Variants in PLCB1 observed in about 807,000 individuals in gnomAD.
PLCB1 encodes 1-phosphatidylinositol 4,5-bisphosphate phosphodiesterase beta-1.
Under a neutral mutation model 161.8 loss-of-function variants are expected in PLCB1, and 46 were observed. The observed-to-expected ratio is 0.28, with a 90% CI of 0.22 to 0.36. The LOEUF (loss-of-function observed/expected upper bound fraction) is 0.36, where lower values mean the gene tolerates loss of function less well. Ranked by LOEUF, PLCB1 falls within the 10% of genes least tolerant of loss-of-function variation. The pLI is 1.00. For synonymous variants in PLCB1, 517 were observed against 503.7 expected (o/e 1.03, Z -0.35); for missense variants, 1,016 against 1,472.5 (o/e 0.69, Z 5.07).
At chr20:8,205,043 T>C (rs181888250) in intron 2 of PLCB1, among the ~76,000 whole-genome samples, 4 of 152,306 alleles carry the variant, frequency 2.6e-5, no homozygotes, top group Non-Finnish European at 5.9e-5. Context: ...TGAATATCCA[T>C]CTTGAAGTTG....
chr20:8,267,085 G>A (rs986739467), intron 2 of PLCB1, among the ~76,000 whole-genome samples: 5 of 151,736 alleles, frequency 3.3e-5, no homozygotes, highest in African/African-American at 7.2e-5. Context: ...TGGGATGACC[G>A]TACCTTAAAT....
chr20:8,402,265 T>C (rs1256948050), intron 3 of PLCB1, among the ~76,000 whole-genome samples: 1 of 152,190 alleles, frequency 6.6e-6, no homozygotes. Flanking sequence ...ATGAGATTAA[T>C]GTTATAACAC....
At chr20:8,736,699 T>G (rs528555125) in intron 19 of PLCB1, among the ~76,000 whole-genome samples, 1 of 152,278 alleles carries the variant, frequency 6.6e-6, no homozygotes, top group South Asian at 2.1e-4. Flanking sequence ...AGGGGGGAAC[T>G]GCCACACACT....
At chr20:8,727,229 T>C (rs1979984998) in intron 16 of PLCB1, 80 bp from the exon 17 acceptor site, 1 of 651,864 alleles carries the variant, frequency 1.5e-6, no homozygotes, top group East Asian at 2.8e-5. Flanking sequence ...TTTACCCATT[T>C]CTTTTATAAT....
intron 2 of PLCB1, among the ~76,000 whole-genome samples, chr20:8,321,858 G>A (rs997272357): frequency 6.6e-6 from 1 of 152,152 alleles, no homozygotes; most frequent in Admixed American, 6.6e-5. Flanking sequence ...CCCTTGGCAT[G>A]CAGTATATAC....
chr20:8,436,678 T>G (rs1174439966), intron 3 of PLCB1, among the ~76,000 whole-genome samples: 1 of 152,196 alleles, frequency 6.6e-6, no homozygotes, highest in Non-Finnish European at 1.5e-5. Flanking sequence ...CCAGGAAGGA[T>G]CCCTGATTCC....
chr20:8,848,248 C>A (rs1355178392), intron 31 of PLCB1, among the ~76,000 whole-genome samples: 1 of 152,182 alleles, frequency 6.6e-6, no homozygotes, highest in Non-Finnish European at 1.5e-5. Flanking sequence ...AGCTTATGAT[C>A]CTACGGAGTT....
intron 3 of PLCB1, among the ~76,000 whole-genome samples, chr20:8,535,667 A>G (rs1192563096): frequency 6.6e-6 from 1 of 152,186 alleles, no homozygotes; most frequent in Non-Finnish European, 1.5e-5. Flanking sequence ...CAAGGTTCAT[A>G]AACTGTACAT....
At chr20:8,511,965 C>T (rs991542370) in intron 3 of PLCB1, among the ~76,000 whole-genome samples, 4 of 152,054 alleles carry the variant, frequency 2.6e-5, no homozygotes, top group Admixed American at 6.6e-5. Flanking sequence ...TATTTTCTCT[C>T]GCTCTGGGTT....
intron 31 of PLCB1, among the ~76,000 whole-genome samples, chr20:8,846,579 A>C (rs912412621): frequency 6.6e-6 from 1 of 152,154 alleles, no homozygotes; most frequent in Non-Finnish European, 1.5e-5. Context: ...TGCTAATGTT[A>C]CTGGTCCGTG....
intron 23 of PLCB1, chr20:8,750,917 T>G: frequency 1.1e-6 from 1 of 905,420 alleles, no homozygotes; most frequent in Non-Finnish European, 1.6e-6. Context: ...TGTCATAAGG[T>G]AAAAAGAACT....
rs907854728 is a variant in PLCB1, at chr20:8,155,686, C to A, written c.177+5315C>A. 2.0e-4 allele frequency among the ~76,000 whole-genome samples: 31 copies of A among 152,106 alleles called. 1 individual carries two copies. The highest frequency in any genetic ancestry group is 7.5e-4 in the African/African-American group (31 of 41,432). On this transcript the variant is annotated intron_variant, in intron 2 of 31. Transcript: ENST00000338037. ...GGGGCTTTCTCTTTGGGATATGCTT[C>A]TCTAGGGTATCCCAAAATTGTCAAC...
intron 1 of PLCB1, among the ~76,000 whole-genome samples, chr20:8,142,340 A>G (rs2051413080): frequency 6.6e-6 from 1 of 152,176 alleles, no homozygotes; most frequent in African/African-American, 2.4e-5. Flanking sequence ...CTTCCATTCC[A>G]TCTGAAATCT....
intron 19 of PLCB1, 56 bp downstream of exon 19, chr20:8,733,448 T>C (rs574029109): frequency 6.8e-7 from 1 of 1,462,592 alleles, no homozygotes; most frequent in South Asian, 1.2e-5. Flanking sequence ...TTTATCTACA[T>C]TGCATAAAGA....
intron 3 of PLCB1, among the ~76,000 whole-genome samples, chr20:8,461,591 TA>T (rs1981579402): frequency 6.6e-6 from 1 of 152,178 alleles, no homozygotes; most frequent in South Asian, 2.1e-4. Flanking sequence ...TTTTTTCCCC[TA>T]ATTAGTTATA....
At chr20:8,276,230 G>A (rs920999698) in intron 2 of PLCB1, among the ~76,000 whole-genome samples, 3 of 152,152 alleles carry the variant, frequency 2.0e-5, no homozygotes, top group African/African-American at 7.2e-5. Flanking sequence ...AGATAAAATT[G>A]TATCAGATCA....
chr20:8,361,077 G>T (rs1471636514), intron 2 of PLCB1, among the ~76,000 whole-genome samples: 1 of 152,134 alleles, frequency 6.6e-6, no homozygotes, highest in Non-Finnish European at 1.5e-5. Context: ...AAAATACGTT[G>T]GTTACTCACT....
intron 10 of PLCB1, among the ~76,000 whole-genome samples, chr20:8,695,651 A>G (rs982362567): frequency 1.3e-5 from 2 of 152,192 alleles, no homozygotes; most frequent in Non-Finnish European, 1.5e-5. Context: ...TCAGTGAGCT[A>G]TGATCACACC....
At chr20:8,301,952 C>A (rs572865918) in intron 2 of PLCB1, among the ~76,000 whole-genome samples, 1 of 152,300 alleles carries the variant, frequency 6.6e-6, no homozygotes, top group East Asian at 1.9e-4. Flanking sequence ...TTGGACAAAT[C>A]ATTTAATCCT....
Sources: allele counts gnomAD v4.1 joint callset (sites outside exome capture counted in the v4.1 genomes callset), GRCh38; gene constraint gnomAD v4.1.1; transcripts MANE v1.5; gene names NCBI Gene and HGNC (gene_info 2026-07-23, HGNC 2026-07-21).